Variants in PDGFD observed in about 807,000 individuals in gnomAD.
PDGFD encodes platelet derived growth factor D.
PDGFD carries 30 observed loss-of-function variants against 44.7 expected under a neutral mutation model. That is an observed-to-expected ratio of 0.67 (90% CI 0.50 to 0.91). The LOEUF (loss-of-function observed/expected upper bound fraction) is 0.91, where lower values mean the gene tolerates loss of function less well. PDGFD is among the 40% of genes least tolerant of loss of function. The pLI, the probability that PDGFD is intolerant of heterozygous loss-of-function variation, is 0.00. For missense variants in PDGFD, 445 were observed against 457.8 expected (o/e 0.97, Z 0.25); for synonymous variants, 173 against 168.4 (o/e 1.03, Z -0.21).
chr11:103,944,108 T>C (rs1468984699), intron 4 of PDGFD, among the ~76,000 whole-genome samples: 1 of 152,176 alleles, frequency 6.6e-6, no homozygotes, highest in Non-Finnish European at 1.5e-5. Flanking sequence ...TCACCTGGCA[T>C]TGCAGATGAT....
chr11:103,909,942 G>A, intron 6 of PDGFD, 123 bp from the exon 7 acceptor site: 1 of 1,187,752 alleles, frequency 8.4e-7, no homozygotes. Context: ...AGAAGCTATG[G>A]GCTTGCTATT....
intron 3 of PDGFD, among the ~76,000 whole-genome samples, chr11:103,961,214 T>C (rs939827199): frequency 1.3e-5 from 2 of 152,210 alleles, no homozygotes; most frequent in Non-Finnish European, 1.5e-5. Context: ...TGACTAGTCA[T>C]TGAATTGCTG....
chr11:104,140,201 C>T lies in PDGFD; in HGVS notation c.124+23603G>A, dbSNP rs150154259. Among the ~76,000 whole-genome samples, 1,109 of 152,248 alleles carry T rather than the reference C, an allele frequency of 7.3e-3. 7 individuals carry two copies. The highest frequency in any genetic ancestry group is 0.024 in the African/African-American group (995 of 41,548). ...TAATTAAACCATTTGAATATCAGAACAAATATAGCACAAAATTATAATGCC... is the reference window on the plus strand; with the variant it reads ...TAATTAAACCATTTGAATATCAGAATAAATATAGCACAAAATTATAATGCC... On this transcript the variant is annotated intron_variant, in intron 1 of 6. Coordinates refer to ENST00000393158, the MANE Select transcript of PDGFD (RefSeq NM_025208.5).
chr11:103,928,564 T>A (rs1307615911), intron 5 of PDGFD, among the ~76,000 whole-genome samples: 1 of 152,220 alleles, frequency 6.6e-6, no homozygotes, highest in Middle Eastern at 3.2e-3. Context: ...ACCGCATCCC[T>A]GTTTGTCTTT....
intron 4 of PDGFD, 106 bp from the exon 5 acceptor site, chr11:103,943,756 G>A (rs1226095080): frequency 2.3e-6 from 2 of 882,096 alleles, no homozygotes; most frequent in Non-Finnish European, 3.6e-6. Context: ...CTGAGTATAA[G>A]ACATCATACG....
chr11:104,048,359 GT>G (rs370201463), intron 1 of PDGFD, among the ~76,000 whole-genome samples: 41 of 151,572 alleles, frequency 2.7e-4, no homozygotes, highest in African/African-American at 7.0e-4. Context: ...TCAAGCCCCA[GT>G]TCTGATTCTG....
At chr11:104,020,896 G>C (rs1859939956) in intron 1 of PDGFD, among the ~76,000 whole-genome samples, 1 of 152,054 alleles carries the variant, frequency 6.6e-6, no homozygotes, top group African/African-American at 2.4e-5. Context: ...CTTGGATTAA[G>C]GAATACATTT....
chr11:104,144,507 CAA>C (rs201864924), intron 1 of PDGFD, among the ~76,000 whole-genome samples: 2,943 of 73,760 alleles, frequency 0.04, 74 homozygotes, highest in African/African-American at 0.1. Context: ...ACTCCGTCAC[CAA>C]AAAAAAAAAA....
At chr11:103,994,953 C>G (rs1360205908) in intron 3 of PDGFD, among the ~76,000 whole-genome samples, 1 of 149,440 alleles carries the variant, frequency 6.7e-6, no homozygotes. Context: ...AGTCATGGTT[C>G]ACTGTAGCTT....
intron 3 of PDGFD, among the ~76,000 whole-genome samples, chr11:103,960,619 C>T (rs1048028428): frequency 1.3e-5 from 2 of 152,196 alleles, no homozygotes; most frequent in African/African-American, 4.8e-5. Context: ...CTACTCTTGT[C>T]ATTCCTTTTT....
intron 1 of PDGFD, chr11:104,037,039 G>A: frequency 1.9e-6 from 3 of 1,614,264 alleles, no homozygotes; most frequent in Middle Eastern, 1.6e-4. Flanking sequence ...CGATATCGTG[G>A]TTTTACTGCA....
intron 3 of PDGFD, among the ~76,000 whole-genome samples, chr11:103,952,412 C>G (rs1244793776): frequency 1.3e-5 from 2 of 152,084 alleles, no homozygotes; most frequent in African/African-American, 2.4e-5. Context: ...TTTTGACTTC[C>G]TCACCTCCTG....
chr11:104,034,173 T>C (rs1433008050), intron 1 of PDGFD, among the ~76,000 whole-genome samples: 1 of 152,174 alleles, frequency 6.6e-6, no homozygotes, highest in African/African-American at 2.4e-5. Flanking sequence ...CAGATATTAT[T>C]AATTTCTCCT....
At chr11:103,947,151 T>A (rs1180131867) in intron 4 of PDGFD, among the ~76,000 whole-genome samples, 1 of 152,228 alleles carries the variant, frequency 6.6e-6, no homozygotes, top group African/African-American at 2.4e-5. Context: ...TGAACCATTT[T>A]ACAGCTTCAG....
At chr11:104,020,794 C>CTA (rs534526551) in intron 1 of PDGFD, among the ~76,000 whole-genome samples, 36 of 152,216 alleles carry the variant, frequency 2.4e-4, no homozygotes, top group Admixed American at 5.2e-4. Flanking sequence ...CAGAAAGGAA[C>CTA]TATAATGCTA....
intron 1 of PDGFD, among the ~76,000 whole-genome samples, chr11:104,026,204 T>C (rs1860040373): frequency 6.6e-6 from 1 of 152,240 alleles, no homozygotes; most frequent in Non-Finnish European, 1.5e-5. Flanking sequence ...TCTCAGACTA[T>C]GCTTTCCTTG....
chr11:104,093,336 ACACT>A (rs915345122), intron 1 of PDGFD, among the ~76,000 whole-genome samples: 2 of 152,042 alleles, frequency 1.3e-5, no homozygotes, highest in African/African-American at 2.4e-5. Context: ...ACATACACAC[ACACT>A]ATCACACCAA....
At chr11:103,934,097 A>C (rs549770316) in intron 5 of PDGFD, among the ~76,000 whole-genome samples, 1 of 152,376 alleles carries the variant, frequency 6.6e-6, no homozygotes, top group East Asian at 1.9e-4. Context: ...TGAGCTTTGC[A>C]GCCAACAAGG....
intron 1 of PDGFD, among the ~76,000 whole-genome samples, chr11:104,082,043 A>G (rs1028870050): frequency 6.7e-6 from 1 of 150,164 alleles, no homozygotes; most frequent in Admixed American, 6.7e-5. Flanking sequence ...TGTTCTTTAT[A>G]GAGGTGCCAG....
Sources: gnomAD v4.1 joint callset for allele counts (sites outside exome capture counted in the v4.1 genomes callset) on GRCh38, gnomAD v4.1.1 for gene constraint, MANE v1.5 for transcripts, NCBI Gene and HGNC (gene_info 2026-07-23, HGNC 2026-07-21) for gene names.